The following PIK3C2G variants were observed in gnomAD, a reference collection of about 807,000 sequenced individuals.
PIK3C2G encodes phosphatidylinositol-4-phosphate 3-kinase catalytic subunit type 2 gamma, also known as phosphatidylinositol 3-kinase C2 domain-containing subunit gamma.
In PIK3C2G, 168 loss-of-function variants were observed where a neutral mutation model predicts 181.1. The ratio of observed to expected loss-of-function variants is 0.93; its 90% confidence interval spans 0.82 to 1.05. The LOEUF is 1.05. Among genes scored for constraint, PIK3C2G ranks in the 50% least tolerant of loss-of-function variants. The probability of loss-of-function intolerance (pLI) is 0.00; values close to 1 mark genes in which losing one functional copy is unlikely to be tolerated. For missense variants in PIK3C2G, 1,869 were observed against 1,732.8 expected, an observed-to-expected ratio of 1.08 and a Z score of -1.40; for synonymous variants, 573 against 592.2, an observed-to-expected ratio of 0.97 and a Z score of 0.47.
At chr12:18,516,284 C>T (rs1369781921) in intron 24 of PIK3C2G, among the ~76,000 whole-genome samples, 1 of 140,936 alleles carries the variant, frequency 7.1e-6, no homozygotes, top group East Asian at 2.1e-4. Context: ...TTTCATTCAG[C>T]ATTTTGAATA....
At chr12:18,420,910 C>A in intron 16 of PIK3C2G, 31 bp from the exon 17 acceptor site, 1 of 1,141,968 alleles carries the variant, frequency 8.8e-7, no homozygotes. Context: ...TTACCATTAA[C>A]AGCTTAGTGG....
chr12:18,579,669 T>C (rs1348842645), intron 29 of PIK3C2G, among the ~76,000 whole-genome samples: 1 of 152,208 alleles, frequency 6.6e-6, no homozygotes, highest in African/African-American at 2.4e-5. Flanking sequence ...TCCACCTGGC[T>C]TGTCTTTTAG....
upstream of PIK3C2G, among the ~76,000 whole-genome samples, chr12:18,260,518 A>G (rs1948205112): frequency 6.6e-6 from 1 of 152,012 alleles, no homozygotes; most frequent in Non-Finnish European, 1.5e-5. Flanking sequence ...GAAGGGGTAC[A>G]AGGGTCAGGG....
At position 18,314,065 on chromosome 12, in the gene PIK3C2G, G is replaced by T. The variant is rs747404244; in HGVS notation, c.1137+1G>T. 4 of 1,494,422 alleles carry T rather than the reference G, an allele frequency of 2.7e-6. No homozygotes were observed. In the South Asian group the frequency reaches 3.6e-5, roughly 13 times the overall value. The allele number at this position is 1,494,422 out of a possible 1,614,324, so 92.6% of individuals were successfully genotyped here. On this transcript the variant is annotated splice_donor_variant, in intron 6 of 32. Coordinates refer to ENST00000538779, the MANE Select transcript of PIK3C2G (RefSeq NM_001288772.2). LOFTEE classifies it high-confidence loss of function. ...AGCTCCAGGAAAGCTATCTCGAAAG[G>T]TAAGACTTTCTTAGCATTGGTTTCA... is the stretch of plus-strand genomic sequence containing the variant.
chr12:18,289,165 C>A (rs1483827757), intron 3 of PIK3C2G, among the ~76,000 whole-genome samples: 2 of 152,098 alleles, frequency 1.3e-5, no homozygotes, highest in Non-Finnish European at 2.9e-5. Flanking sequence ...GTGGCAAGCA[C>A]CCTTAATTCA....
chr12:18,631,001 G>T (rs1174005319), intron 31 of PIK3C2G, among the ~76,000 whole-genome samples: 2 of 151,924 alleles, frequency 1.3e-5, no homozygotes, highest in Non-Finnish European at 2.9e-5. Context: ...AAAAAAAATT[G>T]CAGTGTAAGA....
rs557389678 is a variant in PIK3C2G at position 18,332,189 on chromosome 12, C to G, written c.1273-6237C>G. ...ATTATTGTCTGAGCTTACAGTGGAG[C>G]CTGTGGTACCATGACATTTCCCTCC... On this transcript the variant is annotated intron_variant, in intron 8 of 32. Coordinates refer to ENST00000538779, the MANE Select transcript of PIK3C2G (RefSeq NM_001288772.2). 3.3e-5 allele frequency among the ~76,000 whole-genome samples: 5 copies of G among 152,144 alleles called. No homozygotes were observed. In the South Asian group the frequency reaches 1.0e-3, roughly 32 times the overall value.
Position 18,538,254 on chromosome 12 carries a change from G to C in PIK3C2G, c.3422G>C (p.Cys1141Ser). ...TTTCAAGATTTTGTGGAACTTTGCT[G>C]TCGTGCTTATAATATTATCAGAAAG... Reference protein sequence around the residue: ...QHFQDFVELCCRAYNIIRKHS... With the variant: ...QHFQDFVELCSRAYNIIRKHS... The change falls in exon 25 of 33, where the codon TGT becomes TCT. Residue 1141 changes from cysteine to serine, a missense_variant. Physicochemically the swap from Cys to Ser is moderately radical, Grantham distance 112. Coordinates refer to ENST00000538779, the MANE Select transcript of PIK3C2G (RefSeq NM_001288772.2). The C allele has an allele frequency of 6.2e-7, 1 of 1,612,194 alleles. No homozygotes were observed. Among genetic ancestry groups the C allele is most frequent in the Non-Finnish European group, 8.5e-7 (1 of 1,179,000 alleles).
chr12:18,270,072 G>A (rs1025370464), intron 1 of PIK3C2G, among the ~76,000 whole-genome samples: 1 of 151,678 alleles, frequency 6.6e-6, no homozygotes, highest in Non-Finnish European at 1.5e-5. Flanking sequence ...ACCACGCCCG[G>A]CTAATTTTTG....
intron 11 of PIK3C2G, among the ~76,000 whole-genome samples, chr12:18,352,068 T>C (rs149263988): frequency 6.6e-6 from 1 of 152,308 alleles, no homozygotes; most frequent in East Asian, 1.9e-4. Flanking sequence ...TCAAAAATAT[T>C]TCTGATCTGT....
chr12:18,625,112 A>T (rs1949035254), intron 31 of PIK3C2G, among the ~76,000 whole-genome samples: 1 of 151,642 alleles, frequency 6.6e-6, no homozygotes, highest in Non-Finnish European at 1.5e-5. Flanking sequence ...GCACAACATT[A>T]AATTGTTTAT....
At chr12:18,295,080 A>G (rs946665244) in intron 5 of PIK3C2G, among the ~76,000 whole-genome samples, 4 of 149,794 alleles carry the variant, frequency 2.7e-5, no homozygotes, top group Admixed American at 6.7e-5. Flanking sequence ...ATTGTATTAA[A>G]ATAATATTTC....
At position 18,538,225 on chromosome 12, in the gene PIK3C2G, G is replaced by C. The variant is rs1476501489; in HGVS notation, c.3393G>C (p.Gln1131His). The C allele has an allele frequency of 1.2e-5, 19 of 1,612,248 alleles. No homozygotes were observed. The highest frequency in any genetic ancestry group is 1.6e-5 in the Non-Finnish European group (19 of 1,178,908). The change falls in exon 25 of 33, where the codon CAG (glutamine) becomes CAC (histidine). Residue 1131 changes from glutamine to histidine, a missense_variant. Physicochemically the swap from Gln to His is conservative, Grantham distance 24. Transcript: ENST00000538779. ...TTACAGAGGGTGGGAAAAACCCACA[G>C]CATTTTCAAGATTTTGTGGAACTTT... ...YFITEGGKNP[Q>H]HFQDFVELCC...
chr12:18,255,169 T>TCGCACC (rs1352336906), intron 1 of PIK3C2G, among the ~76,000 whole-genome samples: 1 of 150,688 alleles, frequency 6.6e-6, no homozygotes, highest in Non-Finnish European at 1.5e-5. Flanking sequence ...TGAGCTGAGA[T>TCGCACC]CGCACCGTTG....
intron 29 of PIK3C2G, among the ~76,000 whole-genome samples, chr12:18,592,133 AGATAGAAG>A (rs1040933721): frequency 1.3e-4 from 20 of 151,952 alleles, no homozygotes; most frequent in African/African-American, 4.8e-4. Context: ...AGATATTTTG[AGATAGAAG>A]GCTTAGGTTT....
At chr12:18,427,110 T>C (rs375680916) in intron 18 of PIK3C2G, among the ~76,000 whole-genome samples, 1 of 152,154 alleles carries the variant, frequency 6.6e-6, no homozygotes, top group East Asian at 1.9e-4. Context: ...GCATGCATTA[T>C]TAAAATGCAC....
chr12:18,662,939 A>G, the PIK3C2G span, among the ~76,000 whole-genome samples: 1 of 152,142 alleles, frequency 6.6e-6, no homozygotes, highest in African/African-American at 2.4e-5. Flanking sequence ...CAAAGATAAC[A>G]ATTAGGACTA....
chr12:18,258,123 C>A (rs115218965), upstream of PIK3C2G, among the ~76,000 whole-genome samples: 3,034 of 152,134 alleles, frequency 0.02, 97 homozygotes, highest in African/African-American at 0.07. Context: ...TTATTAAAGC[C>A]TTATTTTTTC....
chr12:18,625,381 A>G (rs909663251), intron 31 of PIK3C2G, among the ~76,000 whole-genome samples: 11 of 151,878 alleles, frequency 7.2e-5, no homozygotes, highest in African/African-American at 2.6e-4. Flanking sequence ...TGGTTAGAAA[A>G]GGTACTTGCT....
Sources: allele counts gnomAD v4.1 joint callset (sites outside exome capture counted in the v4.1 genomes callset), GRCh38; gene constraint gnomAD v4.1.1; transcripts MANE v1.5; gene names NCBI Gene and HGNC (gene_info 2026-07-23, HGNC 2026-07-21).